Variants in ZNF277 observed in about 807,000 individuals in gnomAD.
The protein encoded by ZNF277 is zinc finger protein 277.
Under a neutral mutation model 60.7 loss-of-function variants are expected in ZNF277, and 55 were observed. The ratio of observed to expected loss-of-function variants is 0.91; its 90% CI spans 0.73 to 1.13. The LOEUF (loss-of-function observed/expected upper bound fraction) is 1.13. Ranked by LOEUF, ZNF277 falls within the 50% of genes most tolerant of loss-of-function variation. The pLI is 0.00. For missense variants in ZNF277, 510 were observed against 523.0 expected, an observed-to-expected ratio of 0.98 and a Z score of 0.24; for synonymous variants, 178 against 179.3, an observed-to-expected ratio of 0.99 and a Z score of 0.06.
chr7:112,269,970 A>G (rs925464208), intron 1 of ZNF277, among the ~76,000 whole-genome samples: 1 of 152,112 alleles, frequency 6.6e-6, no homozygotes, highest in Non-Finnish European at 1.5e-5. Context: ...TAAGAATAAT[A>G]GAGATCATAT....
At chr7:112,272,552 G>A (rs6962164) in intron 1 of ZNF277, among the ~76,000 whole-genome samples, 83 of 152,252 alleles carry the variant, frequency 5.5e-4, no homozygotes, top group African/African-American at 1.8e-3. Context: ...GGAGTGCAAT[G>A]GCACAATCTT....
At chr7:112,295,997 T>A (rs1272342277) in intron 3 of ZNF277, 40 bp downstream of exon 3, 1 of 1,439,926 alleles carries the variant, frequency 6.9e-7, no homozygotes, top group East Asian at 2.3e-5. Flanking sequence ...CCCTACAGTA[T>A]AAAAATTCAA....
At chr7:112,326,816 G>C (rs138264555) in intron 5 of ZNF277, among the ~76,000 whole-genome samples, 120 of 152,184 alleles carry the variant, frequency 7.9e-4, no homozygotes, top group African/African-American at 2.2e-3. Context: ...TCTATCAATG[G>C]TACTTATACT....
Position 112,206,757 on chromosome 7 carries a change from A to G in ZNF277, c.41A>G (p.Gln14Arg). 3 of 1,613,112 alleles carry G rather than the reference A, an allele frequency of 1.9e-6. No homozygotes were observed. The highest frequency in any genetic ancestry group is 2.5e-6 in the Non-Finnish European group (3 of 1,179,630). The change falls in exon 1 of 12, where the codon CAG (glutamine) becomes CGG (arginine). Residue 14 changes from glutamine to arginine, a missense_variant. Physicochemically the swap from Gln to Arg is conservative, Grantham distance 43 (BLOSUM62 1). Coordinates refer to ENST00000361822, the MANE Select transcript of ZNF277 (RefSeq NM_021994.3). ...ACCCAGGGGGCTGTCGCCCGAATGC[A>G]GGAAGACCGTGATGGGAGCTGCAGC... is the stretch of plus-strand genomic sequence containing the variant. ...SKTQGAVARM[Q>R]EDRDGSCSTV...
intron 1 of ZNF277, among the ~76,000 whole-genome samples, chr7:112,276,989 C>T (rs1466650802): frequency 6.6e-6 from 1 of 151,290 alleles, no homozygotes; most frequent in Non-Finnish European, 1.5e-5. Flanking sequence ...AAATAAAAAT[C>T]GTGGATCAAA....
chr7:112,259,167 C>T (rs954720894), intron 1 of ZNF277, among the ~76,000 whole-genome samples: 1 of 151,900 alleles, frequency 6.6e-6, no homozygotes, highest in Non-Finnish European at 1.5e-5. Context: ...TTTAACATGC[C>T]AGCAGATGTT....
chr7:112,297,123 T>G (rs1792374301), intron 4 of ZNF277, among the ~76,000 whole-genome samples: 1 of 151,174 alleles, frequency 6.6e-6, no homozygotes, highest in African/African-American at 2.4e-5. Context: ...GAGATGGGGT[T>G]TCACCGTATT....
intron 4 of ZNF277, among the ~76,000 whole-genome samples, chr7:112,303,125 A>G (rs1033103185): frequency 6.6e-6 from 1 of 151,592 alleles, no homozygotes; most frequent in Non-Finnish European, 1.5e-5. Context: ...TAATTTTTAT[A>G]TTTTTAGTAG....
At chr7:112,220,344 G>A (rs1327650100) in intron 1 of ZNF277, among the ~76,000 whole-genome samples, 1 of 150,448 alleles carries the variant, frequency 6.6e-6, no homozygotes, top group East Asian at 2.0e-4. Context: ...GTATGTTAGT[G>A]TATAGAAATG....
At chr7:112,247,850 C>A (rs1791118534) in intron 1 of ZNF277, among the ~76,000 whole-genome samples, 3 of 151,906 alleles carry the variant, frequency 2.0e-5, no homozygotes, top group Admixed American at 2.0e-4. Flanking sequence ...CGCCTGTAAT[C>A]TCAGCTACTT....
chr7:112,260,419 A>G (rs1365377753), intron 1 of ZNF277, among the ~76,000 whole-genome samples: 2 of 152,226 alleles, frequency 1.3e-5, no homozygotes, highest in African/African-American at 2.4e-5. Context: ...GTATCATATT[A>G]TAAATATGGT....
rs59902516 is a variant in ZNF277 at position 112,277,077 on chromosome 7, A to ATTTTTTT, written c.92-9778_92-9772dup. 1.0e-3 allele frequency among the ~76,000 whole-genome samples: 109 copies of ATTTTTTT among 104,430 alleles called. 4 individuals carry two copies. Among genetic ancestry groups the ATTTTTTT allele is most frequent in the Admixed American group, 1.6e-3 (14 of 8,534 alleles). The allele number at this position is 104,430 out of a possible 152,430, so 68.5% of individuals were successfully genotyped here. ...CCAGAACCCTTTTAAGAATCTGTTG[A>ATTTTTTT]TTTTTTTTTTTTTTTTTTTTTTTTG... On this transcript the variant is annotated intron_variant, in intron 1 of 11. Coordinates refer to ENST00000361822, the MANE Select transcript of ZNF277 (RefSeq NM_021994.3).
intron 2 of ZNF277, among the ~76,000 whole-genome samples, chr7:112,293,645 G>T (rs112749768): frequency 2.0e-4 from 31 of 151,768 alleles, no homozygotes; most frequent in African/African-American, 6.5e-4. Context: ...CCAAGCTCTT[G>T]CCTGGTCATC....
chr7:112,315,990 C>T (rs533965704), intron 4 of ZNF277, among the ~76,000 whole-genome samples: 91 of 152,166 alleles, frequency 6.0e-4, no homozygotes, highest in Non-Finnish European at 1.1e-3. Flanking sequence ...AGCTCTGTAT[C>T]GACATGTGCT....
At chr7:112,285,417 G>GA (rs897732816) in intron 1 of ZNF277, among the ~76,000 whole-genome samples, 13 of 125,786 alleles carry the variant, frequency 1.0e-4, no homozygotes, top group Admixed American at 2.5e-4. Flanking sequence ...GATAAAGTAA[G>GA]AAAAAAAAAA....
chr7:112,337,526 G>A (rs1371194234), intron 8 of ZNF277, among the ~76,000 whole-genome samples: 2 of 152,200 alleles, frequency 1.3e-5, no homozygotes, highest in Non-Finnish European at 2.9e-5. Context: ...TGTTCACTAT[G>A]TATATTAATT....
intron 1 of ZNF277, among the ~76,000 whole-genome samples, chr7:112,276,517 A>G (rs1173950709): frequency 1.3e-5 from 2 of 152,194 alleles, no homozygotes; most frequent in African/African-American, 4.8e-5. Context: ...CCCTGAGTCT[A>G]TGTGGAAAAA....
intron 4 of ZNF277, among the ~76,000 whole-genome samples, chr7:112,304,574 C>A (rs1436302234): frequency 2.6e-5 from 4 of 152,048 alleles, no homozygotes; most frequent in Non-Finnish European, 2.9e-5. Flanking sequence ...AACTTTTAAT[C>A]CTTAAGTTAG....
intron 1 of ZNF277, among the ~76,000 whole-genome samples, chr7:112,225,416 C>T (rs1009649923): frequency 6.6e-6 from 1 of 152,142 alleles, no homozygotes; most frequent in African/African-American, 2.4e-5. Flanking sequence ...TTTTTCATGA[C>T]CTCTAAAGTA....
Sources: gnomAD v4.1 joint callset for allele counts (sites outside exome capture counted in the v4.1 genomes callset) on GRCh38, gnomAD v4.1.1 for gene constraint, MANE v1.5 for transcripts, NCBI Gene and HGNC (gene_info 2026-07-23, HGNC 2026-07-21) for gene names.